DNM3: variants seen among roughly 807,000 people sequenced by gnomAD.
DNM3 encodes the protein dynamin-3.
Under a neutral mutation model 101.6 loss-of-function variants are expected in DNM3, and 47 were observed. The observed-to-expected ratio is 0.46, with a 90% CI of 0.37 to 0.59. The LOEUF (loss-of-function observed/expected upper bound fraction) is 0.59, where lower values mean the gene tolerates loss of function less well. Among genes scored for constraint, DNM3 ranks in the 20% least tolerant of loss-of-function variants. DNM3 has a pLI of 0.00. For missense variants in DNM3, 849 were observed against 1,085.7 expected, an observed-to-expected ratio of 0.78 and a Z score of 3.06; for synonymous variants, 385 against 387.9, an observed-to-expected ratio of 0.99 and a Z score of 0.09.
intron 17 of DNM3, among the ~76,000 whole-genome samples, chr1:172,328,444 A>G (rs2066032763): frequency 6.6e-6 from 1 of 152,204 alleles, no homozygotes; most frequent in Admixed American, 6.5e-5. Context: ...CTATGCAGCC[A>G]TAAAAAAGAA....
At chr1:171,896,811 A>T (rs1016193368) in intron 1 of DNM3, among the ~76,000 whole-genome samples, 2 of 152,180 alleles carry the variant, frequency 1.3e-5, no homozygotes, top group Non-Finnish European at 2.9e-5. Flanking sequence ...GCTTTCAAAG[A>T]AGAGTAGATA....
chr1:172,209,885 G>A (rs1256062302), intron 14 of DNM3, among the ~76,000 whole-genome samples: 3 of 152,038 alleles, frequency 2.0e-5, no homozygotes, highest in African/African-American at 7.2e-5. Context: ...ATTATTAATT[G>A]TAAGATGATA....
intron 1 of DNM3, among the ~76,000 whole-genome samples, chr1:171,872,098 C>T (rs1467586875): frequency 6.6e-6 from 1 of 151,916 alleles, no homozygotes; most frequent in African/African-American, 2.4e-5. Context: ...TGAGAGATGA[C>T]AAAGCATTGT....
chr1:171,938,458 A>G (rs941793374), intron 2 of DNM3, among the ~76,000 whole-genome samples: 1 of 152,214 alleles, frequency 6.6e-6, no homozygotes, highest in African/African-American at 2.4e-5. Context: ...TCTCAAGCAC[A>G]TAATTTTAAA....
In DNM3 at chr1:172,353,393, A is replaced by G. The variant is rs138940085; in HGVS notation, c.1894-25625A>G. On this transcript the variant is annotated intron_variant, in intron 17 of 20. Transcript: ENST00000627582. Reference sequence around the variant, plus strand: ...AATTAAGATTTGTAGATATAAAATAATATGACACATATTAAAAGCACTCAG... The same window carrying G: ...AATTAAGATTTGTAGATATAAAATAGTATGACACATATTAAAAGCACTCAG... 2.2e-4 allele frequency among the ~76,000 whole-genome samples: 34 copies of G among 152,292 alleles called. No individual in the cohort carries two copies. The East Asian group carries it at 6.0e-3, about 27-fold the overall frequency.
intron 17 of DNM3, among the ~76,000 whole-genome samples, chr1:172,360,747 T>C (rs2067700073): frequency 6.6e-6 from 1 of 152,042 alleles, no homozygotes; most frequent in Non-Finnish European, 1.5e-5. Context: ...CTTTGCTCTT[T>C]TTCTGCCCTG....
At position 172,230,405 on chromosome 1, in the gene DNM3, ATGTATGTTT is replaced by A. The variant is rs576942883; in HGVS notation, c.1660-23163_1660-23155del. Among the ~76,000 whole-genome samples, 5 of 152,180 alleles carry A rather than the reference ATGTATGTTT, an allele frequency of 3.3e-5. No homozygotes were observed. The South Asian group carries it at 1.0e-3, about 32-fold the overall frequency. The stretch of plus-strand genomic sequence containing the variant: ...TGGACTCTCCCTACCTCCTTACAAT[ATGTATGTTT>A]TGTAAAAGTTTGCATATTTTTGTAG... On this transcript the variant is annotated intron_variant, in intron 14 of 20. Coordinates refer to ENST00000627582, the MANE Select transcript of DNM3 (RefSeq NM_015569.5).
chr1:172,319,925 A>G (rs551606627), intron 16 of DNM3, among the ~76,000 whole-genome samples: 51 of 152,292 alleles, frequency 3.3e-4, no homozygotes, highest in African/African-American at 1.1e-3. Flanking sequence ...ATAAAGACAC[A>G]TGCACACATA....
In DNM3 at chr1:172,105,603, T is replaced by C. The variant is rs571485120; in HGVS notation, c.1545+12728T>C. ...TTTGCTTTTGTAGATTACTTATTCTTTCAATTGAAGATTAAAATCTTGTCA... is the reference window on the plus strand; with the variant it reads ...TTTGCTTTTGTAGATTACTTATTCTCTCAATTGAAGATTAAAATCTTGTCA... On this transcript the variant is annotated intron_variant, in intron 13 of 20. Transcript: ENST00000627582. Among the ~76,000 whole-genome samples the C allele has an allele frequency of 2.0e-5, 3 of 152,370 alleles. 1 individual carries two copies. In the South Asian group the frequency reaches 6.2e-4, roughly 32 times the overall value.
chr1:171,910,636 C>T (rs561338885), intron 1 of DNM3, among the ~76,000 whole-genome samples: 8 of 152,090 alleles, frequency 5.3e-5, no homozygotes, highest in East Asian at 1.9e-4. Context: ...GCTTCAGAAA[C>T]GAATTTAGGT....
chr1:171,921,439 A>G (rs1208625694), intron 1 of DNM3, among the ~76,000 whole-genome samples: 3 of 152,322 alleles, frequency 2.0e-5, no homozygotes, highest in Admixed American at 2.0e-4. Flanking sequence ...TTCTCTGAAA[A>G]TCAAAATTCA....
intron 14 of DNM3, among the ~76,000 whole-genome samples, chr1:172,197,893 C>A (rs190712919): frequency 1.3e-5 from 2 of 152,168 alleles, no homozygotes; most frequent in Admixed American, 1.3e-4. Flanking sequence ...TATTTGGATG[C>A]GCTTTTTTCT....
chr1:171,860,378 A>G (rs1283668183), intron 1 of DNM3, among the ~76,000 whole-genome samples: 1 of 152,214 alleles, frequency 6.6e-6, no homozygotes, highest in African/African-American at 2.4e-5. Flanking sequence ...TAAGTGTAAA[A>G]TACACATGAA....
chr1:172,041,532 A>G lies in DNM3; in HGVS notation c.993-477A>G, dbSNP rs540129897. 2.0e-5 allele frequency among the ~76,000 whole-genome samples: 3 copies of G among 152,234 alleles called. No individual in the cohort carries two copies. In the South Asian group the frequency reaches 6.2e-4, roughly 32 times the overall value. On this transcript the variant is annotated intron_variant, in intron 7 of 20. Transcript: ENST00000627582. ...CTAAAGCGGAAGGTGTGGAGAAACT[A>G]TTTCTCAATAGCCCTTGAAGCTATG...
At chr1:172,213,518 A>G (rs1429314680) in intron 14 of DNM3, among the ~76,000 whole-genome samples, 1 of 34,018 alleles carries the variant, frequency 2.9e-5, no homozygotes, top group Non-Finnish European at 5.6e-5. Context: ...CCATTGTTAC[A>G]AAAAAAAAAA....
chr1:172,161,148 C>T (rs1314639341), intron 14 of DNM3, among the ~76,000 whole-genome samples: 1 of 151,062 alleles, frequency 6.6e-6, no homozygotes, highest in Non-Finnish European at 1.5e-5. Context: ...CTTTGGATGA[C>T]CCTGGATTAG....
chr1:172,253,237 G>A (rs911251071), intron 14 of DNM3, among the ~76,000 whole-genome samples: 5 of 152,056 alleles, frequency 3.3e-5, no homozygotes, highest in African/African-American at 4.8e-5. Context: ...CCACATGAGG[G>A]GGAAAGGACG....
intron 1 of DNM3, among the ~76,000 whole-genome samples, chr1:171,865,914 A>G (rs952942000): frequency 1.3e-5 from 2 of 152,130 alleles, no homozygotes; most frequent in East Asian, 3.8e-4. Context: ...TTCAATGTAA[A>G]TACTCATACT....
chr1:171,897,008 A>G (rs1321091316), intron 1 of DNM3, among the ~76,000 whole-genome samples: 1 of 152,210 alleles, frequency 6.6e-6, no homozygotes, highest in Non-Finnish European at 1.5e-5. Context: ...GGACCATCTT[A>G]AAGTGATCCC....
Sources: allele counts gnomAD v4.1 joint callset (sites outside exome capture counted in the v4.1 genomes callset), GRCh38; gene constraint gnomAD v4.1.1; transcripts MANE v1.5; gene names NCBI Gene and HGNC (gene_info 2026-07-23, HGNC 2026-07-21).